The following SYTL3 variants were observed in gnomAD, a reference collection of about 807,000 sequenced individuals.
SYTL3 encodes the protein synaptotagmin like 3.
In SYTL3, 88 loss-of-function variants were observed where a neutral mutation model predicts 82.1. The observed-to-expected ratio is 1.07, with a 90% CI of 0.90 to 1.28. SYTL3 has a LOEUF of 1.28. Among genes scored for constraint, SYTL3 ranks in the 50% most tolerant of loss-of-function variants. The probability of loss-of-function intolerance (pLI) is 0.00; values close to 1 mark genes in which losing one functional copy is unlikely to be tolerated. For missense variants in SYTL3, 831 were observed against 757.6 expected (o/e 1.10, Z -1.14); for synonymous variants, 311 against 289.4 (o/e 1.07, Z -0.76).
At chr6:158,717,305 C>T (rs1361371625) in intron 9 of SYTL3, among the ~76,000 whole-genome samples, 7 of 101,354 alleles carry the variant, frequency 6.9e-5, no homozygotes, top group Admixed American at 6.0e-4. Context: ...GTTAATTTTA[C>T]CTGTTTTTTT....
intron 13 of SYTL3, among the ~76,000 whole-genome samples, chr6:158,752,521 A>G (rs1377075329): frequency 1.3e-5 from 2 of 152,162 alleles, no homozygotes; most frequent in East Asian, 3.8e-4. Context: ...AAAATCTTAC[A>G]AAGGAATTGT....
chr6:158,657,425 C>CAAAAAAAA (rs535361947), intron 2 of SYTL3, among the ~76,000 whole-genome samples: 3 of 80,134 alleles, frequency 3.7e-5, no homozygotes, highest in Admixed American at 1.5e-4. Flanking sequence ...GACTCTGGCT[C>CAAAAAAAA]AAAAAAAAAA....
rs529773928 is a variant in SYTL3, at chr6:158,668,184, C to T, written c.329+2571C>T. Among the ~76,000 whole-genome samples the T allele has an allele frequency of 5.3e-5, 8 of 152,160 alleles. No homozygotes were observed. In the South Asian group the frequency reaches 1.7e-3, roughly 32 times the overall value. Reference sequence around the variant, plus strand: ...CAGGCCTCCTTCTGAATCTCCAGTCCTCTCCCGCCTGCTAGGAGCCTTGTC... The same window carrying T: ...CAGGCCTCCTTCTGAATCTCCAGTCTTCTCCCGCCTGCTAGGAGCCTTGTC... On this transcript the variant is annotated intron_variant, in intron 5 of 17. Transcript: ENST00000611299.
At chr6:158,677,463 A>G (rs931337336) in intron 5 of SYTL3, among the ~76,000 whole-genome samples, 8 of 152,152 alleles carry the variant, frequency 5.3e-5, no homozygotes. Flanking sequence ...TGACAAGTTA[A>G]TGGGTGCAGC....
chr6:158,687,324 C>T (rs1779403308), intron 6 of SYTL3, among the ~76,000 whole-genome samples: 1 of 152,206 alleles, frequency 6.6e-6, no homozygotes, highest in Non-Finnish European at 1.5e-5. Context: ...CACAGGGCTG[C>T]TTGAGTGTCC....
chr6:158,681,613 GA>G (rs2128404044), intron 5 of SYTL3, among the ~76,000 whole-genome samples: 1 of 152,264 alleles, frequency 6.6e-6, no homozygotes, highest in South Asian at 2.1e-4. Context: ...ACGAGGGGGA[GA>G]TTGAAGTGAC....
chr6:158,674,388 T>G (rs1287834102), intron 5 of SYTL3, among the ~76,000 whole-genome samples: 1 of 152,168 alleles, frequency 6.6e-6, no homozygotes, highest in Non-Finnish European at 1.5e-5. Context: ...TCTTAAATGT[T>G]TTTGGAGGCT....
Position 158,659,294 on chromosome 6 carries a change from T to C in SYTL3, c.-636-1975T>C, listed in dbSNP as rs141540585. Among the ~76,000 whole-genome samples the C allele has an allele frequency of 3.3e-3, 509 of 152,352 alleles. 2 individuals carry two copies. The highest frequency in any genetic ancestry group is 0.012 in the African/African-American group (488 of 41,582). On this transcript the variant is annotated intron_variant, in intron 2 of 17. Coordinates refer to ENST00000611299, the MANE Select transcript of SYTL3 (RefSeq NM_001242394.2). ...ATATAGTGATACAGAAAGTACAGTT[T>C]TGCACATCTTCTGCCAAGCCAGAAG... is the stretch of plus-strand genomic sequence containing the variant.
chr6:158,708,335 G>A lies in SYTL3; in HGVS notation c.460G>A (p.Val154Ile), dbSNP rs995270461. 5 of 1,614,156 alleles carry A rather than the reference G, an allele frequency of 3.1e-6. No homozygotes were observed. Among genetic ancestry groups the A allele is most frequent in the African/African-American group, 2.7e-5 (2 of 75,042 alleles). The change falls in exon 8 of 18, where the codon GTT becomes ATT. Residue 154 changes from valine (V) to isoleucine (I), a missense_variant. Coordinates refer to ENST00000611299, the MANE Select transcript of SYTL3 (RefSeq NM_001242394.2). ...TTTCCTTGGCAGCAAAATTTCTGTG[G>A]TTCCTCCTACTCCACCTCCTGTCAG... is the stretch of plus-strand genomic sequence containing the variant. ...SYQKLSKISV[V>I]PPTPPPVSES...
At chr6:158,657,380 T>G (rs1053544934) in intron 2 of SYTL3, among the ~76,000 whole-genome samples, 2 of 132,928 alleles carry the variant, frequency 1.5e-5, no homozygotes, top group African/African-American at 5.8e-5. Context: ...GAGGCGAGAT[T>G]GCACCATTGC....
intron 8 of SYTL3, among the ~76,000 whole-genome samples, chr6:158,710,286 A>G (rs942330546): frequency 6.6e-6 from 1 of 152,224 alleles, no homozygotes; most frequent in Admixed American, 6.5e-5. Context: ...AAATATTGTC[A>G]TGAACAGCAG....
At chr6:158,707,319 G>A (rs768128134) in intron 7 of SYTL3, 38 bp downstream of exon 7, 22 of 1,605,382 alleles carry the variant, frequency 1.4e-5, no homozygotes, top group East Asian at 6.7e-5. Flanking sequence ...CTGGCCCTCC[G>A]GGGCAGGAGC....
intron 10 of SYTL3, among the ~76,000 whole-genome samples, chr6:158,718,623 G>A (rs970377902): frequency 3.9e-5 from 6 of 152,216 alleles, no homozygotes; most frequent in Admixed American, 1.3e-4. Flanking sequence ...TATTGAAAAC[G>A]TAAAGGCGCG....
At chr6:158,660,298 A>G (rs1264693348) in intron 2 of SYTL3, among the ~76,000 whole-genome samples, 5 of 152,310 alleles carry the variant, frequency 3.3e-5, no homozygotes, top group Middle Eastern at 3.4e-3. Context: ...ACAAAAAACA[A>G]AAAAACCCGG....
intron 10 of SYTL3, among the ~76,000 whole-genome samples, chr6:158,722,364 G>A (rs1784213613): frequency 6.6e-6 from 1 of 151,966 alleles, no homozygotes; most frequent in Admixed American, 6.6e-5. Context: ...GTTTTACCAT[G>A]TTGCCCAGAC....
intron 8 of SYTL3, 47 bp downstream of exon 8, chr6:158,708,438 G>T: frequency 1.3e-6 from 2 of 1,556,004 alleles, no homozygotes; most frequent in Non-Finnish European, 1.8e-6. Flanking sequence ...TCAGGGGATA[G>T]AAGGAGAGGA....
chr6:158,749,291 G>A (rs1788055747), intron 12 of SYTL3, among the ~76,000 whole-genome samples: 1 of 149,174 alleles, frequency 6.7e-6, no homozygotes, highest in Admixed American at 6.7e-5. Flanking sequence ...TACTTGGGAG[G>A]CTGAGGTGGG....
intron 11 of SYTL3, among the ~76,000 whole-genome samples, chr6:158,743,742 G>A (rs539428185): frequency 3.0e-4 from 45 of 151,270 alleles, no homozygotes; most frequent in South Asian, 2.5e-3. Flanking sequence ...CACTGTGCCC[G>A]GCCTGTGCCT....
Position 158,763,378 on chromosome 6 carries a change from G to A in SYTL3, c.1592G>A (p.Trp531Ter). The A allele has an allele frequency of 1.2e-6, 2 of 1,614,192 alleles. No homozygotes were observed. Among genetic ancestry groups the A allele is most frequent in the Non-Finnish European group, 1.7e-6 (2 of 1,180,040 alleles). Residue 531 changes from tryptophan (W) to a stop codon, truncating the protein, a stop_gained, in exon 17 of 18, where the codon TGG becomes TAG. Coordinates refer to ENST00000611299, the MANE Select transcript of SYTL3 (RefSeq NM_001242394.2). LOFTEE classifies it high-confidence loss of function. ...PVLRKQACPQ[W>*]KHSFVFSGVT... ...CTGAGGAAGCAGGCTTGCCCCCAGTGGAAACACTCATTTGTCTTCAGTGGC... is the reference window on the plus strand; with the variant it reads ...CTGAGGAAGCAGGCTTGCCCCCAGTAGAAACACTCATTTGTCTTCAGTGGC...
Sources: gnomAD v4.1 joint callset for allele counts (sites outside exome capture counted in the v4.1 genomes callset) on GRCh38, gnomAD v4.1.1 for gene constraint, MANE v1.5 for transcripts, NCBI Gene and HGNC (gene_info 2026-07-23, HGNC 2026-07-21) for gene names.